The following TENM4 variants were observed in gnomAD, a reference collection of about 807,000 sequenced individuals.
TENM4 encodes the protein teneurin-4.
In TENM4, 82 loss-of-function variants were observed where a neutral mutation model predicts 243.3. That is an observed-to-expected ratio of 0.34 (90% confidence interval 0.28 to 0.40). The LOEUF (loss-of-function observed/expected upper bound fraction) is 0.40, where lower values mean the gene tolerates loss of function less well. Among genes scored for constraint, TENM4 ranks in the 10% least tolerant of loss-of-function variants. The pLI is 1.00. For missense variants in TENM4, 3,138 were observed against 3,673.3 expected, an observed-to-expected ratio of 0.85 and a Z score of 3.77; for synonymous variants, 1,412 against 1,456.3, an observed-to-expected ratio of 0.97 and a Z score of 0.69.
chr11:78,669,916 C>T lies in TENM4; in HGVS notation c.6429G>A (p.Lys2143=), dbSNP rs1477273349. Residue 2143 remains lysine (K), a synonymous_variant, in exon 32 of 34, where the codon AAG becomes AAA. Coordinates refer to ENST00000278550, the MANE Select transcript of TENM4 (RefSeq NM_001098816.3). This position sits in a 1 kb window ranked among gnomAD's most constrained non-coding sequence, Gnocchi z 6.4. ...TCATCCTGCCATATGCATCAAAATG[C>T]TTGGTGTGGGTCATGACAGCTGTGG... ...IITTAVMTHT[K]HFDAYGRMKE... The T allele has an allele frequency of 6.2e-7, 1 of 1,613,830 alleles. No homozygotes were observed. Among genetic ancestry groups the T allele is most frequent in the Non-Finnish European group, 8.5e-7 (1 of 1,179,856 alleles).
chr11:79,423,325 C>T (rs1397721), intron 1 of TENM4, among the ~76,000 whole-genome samples: 25,487 of 151,094 alleles, frequency 0.17, 2,281 homozygotes, highest in Middle Eastern at 0.19. Flanking sequence ...ATGAAGAAAC[C>T]GAGGCCCAGG....
chr11:78,819,371 G>C (rs1378383669), intron 12 of TENM4, among the ~76,000 whole-genome samples: 3 of 152,150 alleles, frequency 2.0e-5, no homozygotes, highest in African/African-American at 7.2e-5. Flanking sequence ...CATCCTTCTG[G>C]TTTTCCTTTC....
chr11:79,139,080 T>TA (rs1862202409), intron 4 of TENM4, among the ~76,000 whole-genome samples: 1 of 22,040 alleles, frequency 4.5e-5, no homozygotes, highest in Non-Finnish European at 6.4e-5. Flanking sequence ...TAAATATATA[T>TA]TATATTTCTA....
At chr11:78,888,954 C>T (rs1347931066) in intron 9 of TENM4, among the ~76,000 whole-genome samples, 1 of 152,234 alleles carries the variant, frequency 6.6e-6, no homozygotes, top group African/African-American at 2.4e-5. Flanking sequence ...GCAGATGCTA[C>T]ACAACACCCA....
In TENM4 at chr11:78,917,802, G is replaced by A. The variant is rs571402043; in HGVS notation, c.494-14279C>T. Among the ~76,000 whole-genome samples, 12 of 152,244 alleles carry A rather than the reference G, an allele frequency of 7.9e-5. No homozygotes were observed. In the East Asian group the frequency reaches 1.2e-3, roughly 15 times the overall value. ...GGAACGTAATACAGTATGGTAGGAG[G>A]GTGGCCTGGGTTTGAATCCTGGCTC... On this transcript the variant is annotated intron_variant, in intron 6 of 33. Transcript: ENST00000278550.
chr11:78,756,263 C>G (rs2135952713), intron 19 of TENM4: 1 of 162,634 alleles, frequency 6.1e-6, no homozygotes, highest in Non-Finnish European at 1.3e-5. Flanking sequence ...GAGTGACCAA[C>G]AATCAGGAAC....
At chr11:79,267,731 A>C (rs1303740410) in intron 2 of TENM4, among the ~76,000 whole-genome samples, 1 of 152,226 alleles carries the variant, frequency 6.6e-6, no homozygotes, top group East Asian at 1.9e-4. Context: ...GCACATAATA[A>C]ATTCTTGATA....
chr11:79,016,575 G>A (rs748726215), intron 6 of TENM4, among the ~76,000 whole-genome samples: 3 of 152,144 alleles, frequency 2.0e-5, no homozygotes, highest in South Asian at 2.1e-4. Flanking sequence ...TTTGGAGGAG[G>A]AGTCTAGGCT....
chr11:78,963,731 CTTTT>C (rs66777307), intron 6 of TENM4, among the ~76,000 whole-genome samples: 5 of 98,992 alleles, frequency 5.1e-5, no homozygotes, highest in Non-Finnish European at 1.1e-4. Context: ...GGTTCCATGA[CTTTT>C]TTTTTTTTTT....
chr11:79,344,601 A>G (rs1857296973), intron 1 of TENM4, among the ~76,000 whole-genome samples: 1 of 152,164 alleles, frequency 6.6e-6, no homozygotes, highest in African/African-American at 2.4e-5. Flanking sequence ...TCTTTGACCA[A>G]CATGCAAGAG....
At chr11:79,051,036 C>G (rs2136937051) in intron 6 of TENM4, among the ~76,000 whole-genome samples, 1 of 152,352 alleles carries the variant, frequency 6.6e-6, no homozygotes, top group Admixed American at 6.5e-5. Context: ...CATGGGCCAG[C>G]TGCATGATCT....
chr11:79,118,555 A>T (rs1360645661), intron 4 of TENM4, among the ~76,000 whole-genome samples: 2 of 151,846 alleles, frequency 1.3e-5, no homozygotes, highest in Non-Finnish European at 2.9e-5. Context: ...ATAAAGCCCT[A>T]TTCCCCCTTC....
chr11:79,390,607 CAG>C (rs1322730585), intron 1 of TENM4, among the ~76,000 whole-genome samples: 10 of 146,142 alleles, frequency 6.8e-5, no homozygotes, highest in Admixed American at 6.2e-4. Flanking sequence ...GAGGCCGATT[CAG>C]AGTCTTTCTA....
chr11:79,414,206 G>A (rs977178545), intron 1 of TENM4, among the ~76,000 whole-genome samples: 2 of 151,506 alleles, frequency 1.3e-5, no homozygotes, highest in Admixed American at 6.6e-5. Flanking sequence ...GCACATGCAC[G>A]CACTGGAAAA....
At chr11:78,935,372 G>A (rs761793003) in intron 6 of TENM4, among the ~76,000 whole-genome samples, 47 of 152,256 alleles carry the variant, frequency 3.1e-4, no homozygotes, top group Non-Finnish European at 5.1e-4. Flanking sequence ...GAAGAAGGGC[G>A]CTAAACACCT....
intron 29 of TENM4, among the ~76,000 whole-genome samples, chr11:78,687,682 C>G (rs925154478): frequency 3.9e-5 from 6 of 152,178 alleles, no homozygotes; most frequent in Admixed American, 2.0e-4. Flanking sequence ...TCTCCATAAT[C>G]AAATCCCTTT....
At chr11:78,926,199 C>T (rs1354281377) in intron 6 of TENM4, among the ~76,000 whole-genome samples, 1 of 151,028 alleles carries the variant, frequency 6.6e-6, no homozygotes, top group African/African-American at 2.4e-5. Context: ...GCAGAAGAAA[C>T]AGGTAGAAGA....
intron 18 of TENM4, among the ~76,000 whole-genome samples, chr11:78,760,502 G>T (rs1343471058): frequency 6.6e-6 from 1 of 152,212 alleles, no homozygotes; most frequent in African/African-American, 2.4e-5. Flanking sequence ...CAAGCGTGAA[G>T]CACAAAACTT....
chr11:78,931,033 G>A (rs1200422881), intron 6 of TENM4, among the ~76,000 whole-genome samples: 1 of 152,116 alleles, frequency 6.6e-6, no homozygotes, highest in Non-Finnish European at 1.5e-5. Flanking sequence ...AACATCTAAC[G>A]TAATTTGAAA....
Sources: gnomAD v4.1 joint callset for allele counts (sites outside exome capture counted in the v4.1 genomes callset) on GRCh38, gnomAD v4.1.1 for gene constraint, Gnocchi (gnomAD v3.1) non-coding constraint, MANE v1.5 for transcripts, NCBI Gene and HGNC (gene_info 2026-07-23, HGNC 2026-07-21) for gene names.